The following TMC1 variants were observed in gnomAD, a reference collection of about 807,000 sequenced individuals.
The protein encoded by TMC1 is transmembrane channel-like protein 1.
A neutral mutation model predicts 105.8 loss-of-function variants in TMC1; 84 were observed. That is an observed-to-expected ratio of 0.79 (90% CI 0.67 to 0.95). TMC1 has a LOEUF of 0.95. Among genes scored for constraint, TMC1 ranks in the 40% least tolerant of loss-of-function variants. The pLI, the probability that TMC1 is intolerant of heterozygous loss-of-function variation, is 0.00. For missense variants in TMC1, 817 were observed against 914.1 expected (o/e 0.89, Z 1.37); for synonymous variants, 315 against 311.5 (o/e 1.01, Z -0.12).
intron 4 of TMC1, among the ~76,000 whole-genome samples, chr9:72,641,609 C>T (rs751158830): frequency 2.0e-5 from 3 of 152,160 alleles, no homozygotes; most frequent in Non-Finnish European, 2.9e-5. Context: ...CAATGAAGCA[C>T]AGGATCCTTC....
intron 18 of TMC1, among the ~76,000 whole-genome samples, chr9:72,808,097 G>C (rs1246593865): frequency 1.3e-5 from 2 of 152,202 alleles, no homozygotes; most frequent in Non-Finnish European, 2.9e-5. Flanking sequence ...AAATCTTCCA[G>C]TGGCTTCTCA....
chr9:72,772,490 G>A lies in TMC1; in HGVS notation c.819G>A (p.Leu273=). The A allele has an allele frequency of 1.9e-6, 3 of 1,613,898 alleles. No homozygotes were observed. Among genetic ancestry groups the A allele is most frequent in the Non-Finnish European group, 2.5e-6 (3 of 1,179,846 alleles). The stretch of plus-strand genomic sequence containing the variant: ...CAATTGGATGGATGAATTTCAGGTT[G>A]CCGCTCTCCTATTTTCTAGTGGGGA... ...KRTIGWMNFR[L]PLSYFLVGIM... The change falls in exon 13 of 24, where the codon TTG becomes TTA. Residue 273 remains leucine (L), a synonymous_variant. Coordinates refer to ENST00000297784, the MANE Select transcript of TMC1 (RefSeq NM_138691.3).
At chr9:72,693,893 A>G (rs963308394) in intron 6 of TMC1, among the ~76,000 whole-genome samples, 1 of 152,128 alleles carries the variant, frequency 6.6e-6, no homozygotes, top group African/African-American at 2.4e-5. Flanking sequence ...TCAATTTTAC[A>G]TTAAATTTAT....
At chr9:72,522,326 T>C (rs1448256676) in intron 1 of TMC1, among the ~76,000 whole-genome samples, 1 of 152,046 alleles carries the variant, frequency 6.6e-6, no homozygotes, top group Non-Finnish European at 1.5e-5. Flanking sequence ...TGGTCTCGAT[T>C]TCCTGACCTC....
Position 72,817,636 on chromosome 9 carries a change from G to T in TMC1, c.1763+1426G>T, listed in dbSNP as rs191402804. Among the ~76,000 whole-genome samples, 6 of 152,288 alleles carry T rather than the reference G, an allele frequency of 3.9e-5. No homozygotes were observed. In the East Asian group the frequency reaches 1.2e-3, roughly 29 times the overall value. On this transcript the variant is annotated intron_variant, in intron 19 of 23. Transcript: ENST00000297784. The stretch of plus-strand genomic sequence containing the variant: ...CGCAGACATATGCTGCACGTCGATT[G>T]TGTTCTTTCAGAGTTAAGACAACAG...
At chr9:72,777,608 T>G (rs1013187977) in intron 13 of TMC1, among the ~76,000 whole-genome samples, 1 of 152,196 alleles carries the variant, frequency 6.6e-6, no homozygotes, top group Non-Finnish European at 1.5e-5. Flanking sequence ...CAACGAGGTA[T>G]GAAAGACATG....
rs529098070 is a variant in TMC1 at position 72,797,234 on chromosome 9, GA to G, written c.1566+4886del. Among the ~76,000 whole-genome samples, 873 of 152,068 alleles carry G rather than the reference GA, an allele frequency of 5.7e-3. 6 individuals are homozygous for G. Among genetic ancestry groups the G allele is most frequent in the African/African-American group, 0.02 (836 of 41,504 alleles). ...AATCAGAGAGGACACACACAAATGG[GA>G]AAACATTCAATGCTCATACATGGGA... On this transcript the variant is annotated intron_variant, in intron 17 of 23. Transcript: ENST00000297784.
At chr9:72,808,031 G>T (rs917709179) in intron 18 of TMC1, among the ~76,000 whole-genome samples, 2 of 152,134 alleles carry the variant, frequency 1.3e-5, no homozygotes, top group Admixed American at 6.5e-5. Flanking sequence ...GAGTCAAACT[G>T]GTCTCAGTCA....
At chr9:72,793,863 T>C (rs1466341124) in intron 17 of TMC1, among the ~76,000 whole-genome samples, 1 of 152,144 alleles carries the variant, frequency 6.6e-6, no homozygotes, top group African/African-American at 2.4e-5. Context: ...TACCCTCTGC[T>C]AGAATTATCG....
intron 15 of TMC1, among the ~76,000 whole-genome samples, chr9:72,790,121 T>C (rs972688950): frequency 1.3e-5 from 2 of 152,326 alleles, no homozygotes; most frequent in South Asian, 2.1e-4. Flanking sequence ...ATGTGTATGA[T>C]GTGACGTCAT....
intron 20 of TMC1, among the ~76,000 whole-genome samples, chr9:72,824,251 C>T (rs1279819950): frequency 6.6e-6 from 1 of 152,230 alleles, no homozygotes; most frequent in Non-Finnish European, 1.5e-5. Context: ...ACAATGCTTC[C>T]TGAGTTCCAC....
chr9:72,551,459 A>C (rs530837273), intron 1 of TMC1, among the ~76,000 whole-genome samples: 62 of 152,338 alleles, frequency 4.1e-4, no homozygotes, highest in Non-Finnish European at 1.2e-4. Flanking sequence ...CCCATGATTT[A>C]GCATGTTGCT....
At chr9:72,794,125 C>A (rs143666621) in intron 17 of TMC1, among the ~76,000 whole-genome samples, 2 of 152,040 alleles carry the variant, frequency 1.3e-5, no homozygotes, top group African/African-American at 4.8e-5. Context: ...CAGCTCGGAC[C>A]CACAACATAG....
Position 72,627,929 on chromosome 9 carries a change from A to G in TMC1, c.-187A>G. The G allele has an allele frequency of 2.4e-6, 1 of 412,268 alleles. No homozygotes were observed. The highest frequency in any genetic ancestry group is 1.7e-5 in the South Asian group (1 of 57,496). 25.5% of individuals were successfully genotyped at this position (412,268 alleles called of 1,614,324 possible). ...TTTTTTTCATATTTTAGGATGCCAGAAGCCTCAAAAATGGAAAACCCCCTG... is the reference window on the plus strand; with the variant it reads ...TTTTTTTCATATTTTAGGATGCCAGGAGCCTCAAAAATGGAAAACCCCCTG... On this transcript the variant is annotated 5_prime_UTR_variant, in exon 4 of 24. Transcript: ENST00000297784.
At chr9:72,768,334 G>T (rs1479375421) in intron 12 of TMC1, among the ~76,000 whole-genome samples, 2 of 151,256 alleles carry the variant, frequency 1.3e-5, no homozygotes, top group Non-Finnish European at 2.9e-5. Flanking sequence ...GGGGTTGGGG[G>T]CTAGGGGAGG....
Position 72,543,607 on chromosome 9 carries a change from ACT to A in TMC1, c.-428+21697_-428+21698del, listed in dbSNP as rs563274355. ...AGATCAGCCTGGCCAACATGGTGAA[ACT>A]CTGTCTCTACTAAAAATACAAAAAT... On this transcript the variant is annotated intron_variant, in intron 1 of 23. Transcript: ENST00000297784. 1.4e-4 allele frequency among the ~76,000 whole-genome samples: 22 copies of A among 151,976 alleles called. No homozygotes were observed. In the South Asian group the frequency reaches 4.6e-3, roughly 32 times the overall value.
chr9:72,787,563 G>A (rs1353276592), intron 13 of TMC1, among the ~76,000 whole-genome samples: 1 of 151,988 alleles, frequency 6.6e-6, no homozygotes, highest in Non-Finnish European at 1.5e-5. Context: ...AAAAAAGGAA[G>A]TGGAGTATAT....
At chr9:72,721,392 C>G (rs2589605) in intron 8 of TMC1, among the ~76,000 whole-genome samples, 34,653 of 152,086 alleles carry the variant, frequency 0.23, 4,281 homozygotes, top group East Asian at 0.39. Context: ...CCTGTCACTT[C>G]TCTACAATGT....
At chr9:72,788,070 AAT>A (rs578244287) in intron 13 of TMC1, among the ~76,000 whole-genome samples, 1 of 152,198 alleles carries the variant, frequency 6.6e-6, no homozygotes, top group African/African-American at 2.4e-5. Flanking sequence ...AACACATAAA[AAT>A]ATGTTTTTAT....
Sources: allele counts gnomAD v4.1 joint callset (sites outside exome capture counted in the v4.1 genomes callset), GRCh38; gene constraint gnomAD v4.1.1; transcripts MANE v1.5; gene names NCBI Gene and HGNC (gene_info 2026-07-23, HGNC 2026-07-21).